Variants in ZEB1 observed in about 807,000 individuals in gnomAD.
ZEB1 encodes the protein zinc finger E-box binding homeobox 1.
ZEB1 carries 21 observed loss-of-function variants against 84.9 expected under a neutral mutation model. That is an observed-to-expected ratio of 0.25 (90% CI 0.18 to 0.36). The LOEUF (loss-of-function observed/expected upper bound fraction) is 0.36. ZEB1 is among the 10% of genes least tolerant of loss of function. ZEB1 has a pLI of 1.00. For synonymous variants in ZEB1, 420 were observed against 471.1 expected (o/e 0.89, Z 1.41); for missense variants, 1,104 against 1,330.2 (o/e 0.83, Z 2.65).
At chr10:31,330,413 T>G (rs550840039) in intron 1 of ZEB1, among the ~76,000 whole-genome samples, 43 of 152,308 alleles carry the variant, frequency 2.8e-4, no homozygotes, top group African/African-American at 1.0e-3. Context: ...CACTGAAATA[T>G]ACTTTATTGA....
At chr10:31,511,532 A>C (rs2070019212) in intron 5 of ZEB1, among the ~76,000 whole-genome samples, 1 of 152,210 alleles carries the variant, frequency 6.6e-6, no homozygotes. Flanking sequence ...TAAAGTCAAA[A>C]AAGCTTTTAT....
intron 1 of ZEB1, among the ~76,000 whole-genome samples, chr10:31,446,587 C>T (rs990808146): frequency 2.0e-3 from 303 of 151,336 alleles, no homozygotes; most frequent in South Asian, 5.5e-3. Flanking sequence ...GCTTTGAATG[C>T]GTCCCAGAGA....
intron 3 of ZEB1, among the ~76,000 whole-genome samples, chr10:31,500,512 T>C (rs1237199121): frequency 1.3e-5 from 2 of 152,174 alleles, no homozygotes; most frequent in Non-Finnish European, 2.9e-5. Context: ...TAGAAATTCA[T>C]GTAAACAGGA....
intron 2 of ZEB1, among the ~76,000 whole-genome samples, chr10:31,478,104 A>G (rs1245534075): frequency 6.6e-6 from 1 of 152,126 alleles, no homozygotes; most frequent in East Asian, 1.9e-4. Flanking sequence ...TTTGCAAGTC[A>G]TACCTCCGAC....
intron 2 of ZEB1, among the ~76,000 whole-genome samples, chr10:31,461,691 G>A (rs1182562109): frequency 6.6e-6 from 1 of 152,028 alleles, no homozygotes; most frequent in African/African-American, 2.4e-5. Flanking sequence ...AAGTAAGGTG[G>A]TTTTTTCACT....
At chr10:31,489,879 C>G (rs749617264) in intron 2 of ZEB1, among the ~76,000 whole-genome samples, 1 of 151,316 alleles carries the variant, frequency 6.6e-6, no homozygotes, top group Non-Finnish European at 1.5e-5. Context: ...TTTAGTAATT[C>G]TTTTAGAACA....
intron 3 of ZEB1, among the ~76,000 whole-genome samples, chr10:31,496,467 G>C (rs1367058768): frequency 6.6e-6 from 1 of 152,056 alleles, no homozygotes; most frequent in Non-Finnish European, 1.5e-5. Context: ...AATGGATTCA[G>C]ATCAGATTTA....
chr10:31,408,412 A>G (rs1176142946), intron 1 of ZEB1, among the ~76,000 whole-genome samples: 1 of 151,968 alleles, frequency 6.6e-6, no homozygotes, highest in Non-Finnish European at 1.5e-5. Context: ...TTCATATGGA[A>G]CCAGAAAAGA....
At chr10:31,333,532 A>AT (rs778562780) in intron 1 of ZEB1, among the ~76,000 whole-genome samples, 1 of 152,128 alleles carries the variant, frequency 6.6e-6, no homozygotes, top group Non-Finnish European at 1.5e-5. Flanking sequence ...GCATGTTAAA[A>AT]TTTCTAAGAT....
intron 1 of ZEB1, among the ~76,000 whole-genome samples, chr10:31,338,464 G>T (rs2038675817): frequency 1.3e-5 from 2 of 152,158 alleles, no homozygotes; most frequent in South Asian, 4.1e-4. Context: ...CACAGTCTGT[G>T]CACTTAACCA....
chr10:31,457,769 T>TAA (rs879594190), intron 1 of ZEB1, among the ~76,000 whole-genome samples: 1 of 151,878 alleles, frequency 6.6e-6, no homozygotes, highest in Admixed American at 6.6e-5. Context: ...AAGAACTCAG[T>TAA]AAAAAAATAT....
In ZEB1 at chr10:31,495,723, T is replaced by C. The variant is rs573732911; in HGVS notation, c.260-53T>C. 3.8e-6 allele frequency: 6 copies of C among 1,594,216 alleles called. No individual in the cohort carries two copies. In the African/African-American group the frequency reaches 8.1e-5, roughly 21 times the overall value. ...ATCCAAAACTTTAAACATTTGTCTT[T>C]CGTTTGTATTAGGAACACTATAGAT... is the stretch of plus-strand genomic sequence containing the variant. On this transcript the variant is annotated intron_variant, in intron 2 of 8. Coordinates refer to ENST00000424869, the MANE Select transcript of ZEB1 (RefSeq NM_001174096.2).
chr10:31,396,265 T>C (rs1200339231), intron 1 of ZEB1, among the ~76,000 whole-genome samples: 1 of 152,198 alleles, frequency 6.6e-6, no homozygotes, highest in African/African-American at 2.4e-5. Flanking sequence ...AAGATGATGA[T>C]GGTGAGAAGT....
Position 31,528,452 on chromosome 10 carries a change from A to G in ZEB1, c.*1188A>G, listed in dbSNP as rs1207311094. On this transcript the variant is annotated 3_prime_UTR_variant, in exon 9 of 9. Transcript: ENST00000424869. ...GTTATTTGGCTCATAACTGTTTCCA[A>G]ATGTTAGTTATTATGGACCCAATTT... is the stretch of plus-strand genomic sequence containing the variant. The G allele has an allele frequency of 6.6e-6, 1 of 152,172 alleles. No homozygotes were observed. Among genetic ancestry groups the G allele is most frequent in the Non-Finnish European group, 1.5e-5 (1 of 68,026 alleles). The allele number at this position is 152,172 out of a possible 1,614,324, so 9.4% of individuals were successfully genotyped here. A position where few individuals can be genotyped will look rare whatever the true frequency, so the allele number is the denominator to read the frequency against.
chr10:31,424,727 G>C (rs1303608367), intron 1 of ZEB1, among the ~76,000 whole-genome samples: 1 of 151,950 alleles, frequency 6.6e-6, no homozygotes, highest in African/African-American at 2.4e-5. Context: ...CTGCTCAGAT[G>C]TACCTTATTT....
At chr10:31,398,773 A>C (rs527396677) in intron 1 of ZEB1, among the ~76,000 whole-genome samples, 10 of 152,096 alleles carry the variant, frequency 6.6e-5, no homozygotes, top group African/African-American at 2.2e-4. Flanking sequence ...TTTAGATACT[A>C]TACTACACTG....
At chr10:31,329,193 C>T (rs1324462291) in intron 1 of ZEB1, among the ~76,000 whole-genome samples, 2 of 152,222 alleles carry the variant, frequency 1.3e-5, no homozygotes, top group East Asian at 3.9e-4. Flanking sequence ...AGCCAATCTT[C>T]CCCACCTATT....
intron 1 of ZEB1, among the ~76,000 whole-genome samples, chr10:31,430,033 G>A (rs1156429507): frequency 6.6e-6 from 1 of 152,058 alleles, no homozygotes; most frequent in African/African-American, 2.4e-5. Flanking sequence ...GAGCCACCAC[G>A]CCCAGCCATA....
intron 1 of ZEB1, among the ~76,000 whole-genome samples, chr10:31,346,631 A>G (rs2040364569): frequency 6.6e-6 from 1 of 152,080 alleles, no homozygotes; most frequent in African/African-American, 2.4e-5. Context: ...TGATAAGTCA[A>G]GAGCAGACCA....
Sources: gnomAD v4.1 joint callset for allele counts (sites outside exome capture counted in the v4.1 genomes callset) on GRCh38, gnomAD v4.1.1 for gene constraint, MANE v1.5 for transcripts, NCBI Gene and HGNC (gene_info 2026-07-23, HGNC 2026-07-21) for gene names.